The following ADGRB2 variants were observed in gnomAD, a reference collection of about 807,000 sequenced individuals.
ADGRB2 encodes the protein adhesion G protein-coupled receptor B2.
ADGRB2 carries 47 observed loss-of-function variants against 178.7 expected under a neutral mutation model. The ratio of observed to expected loss-of-function variants is 0.26; its 90% confidence interval spans 0.21 to 0.34. The LOEUF (loss-of-function observed/expected upper bound fraction) is 0.34. ADGRB2 is among the 10% of genes least tolerant of loss of function. The pLI, the probability that ADGRB2 is intolerant of heterozygous loss-of-function variation, is 1.00. For synonymous variants in ADGRB2, 870 were observed against 912.4 expected, an observed-to-expected ratio of 0.95 and a Z score of 0.84; for missense variants, 1,584 against 2,180.8, an observed-to-expected ratio of 0.73 and a Z score of 5.45.
rs1557793282 is a variant in ADGRB2, at chr1:31,756,653, C to T, written c.184G>A (p.Ala62Thr). The T allele has an allele frequency of 5.0e-6, 8 of 1,608,036 alleles. No homozygotes were observed. The highest frequency in any genetic ancestry group is 1.1e-5 in the South Asian group (1 of 89,918). ...TCCAGGGTCCAGGAGCAGCCCGAGG[C>T]GATGGTAGGAAAGAGGTCCTGCAGC... ...FSLQDLFPTIASGCSWTLENP... is the reference protein window; with the variant it reads ...FSLQDLFPTITSGCSWTLENP... The change falls in exon 4 of 33, where the codon GCC becomes ACC. Residue 62 changes from alanine to threonine, a missense_variant. Physicochemically the swap from Ala to Thr is moderately conservative, Grantham distance 58 (BLOSUM62 0). This residue lies in a region of ADGRB2 where 657 missense variants were observed against 847.6 expected (regional missense o/e 0.78). Transcript: ENST00000373658. This position sits in a 1 kb window ranked among gnomAD's most constrained non-coding sequence, Gnocchi z 8.5.
rs116545578 is a variant in ADGRB2 at position 31,760,440 on chromosome 1, T to C, written c.-190-2929A>G. On this transcript the variant is annotated intron_variant, in intron 1 of 32. Transcript: ENST00000373658. ...CCCCTCAGGGCTCCCCAGCTTCCCTTCTGCACCAATAAAGGAATTCAAAGC... is the reference window on the plus strand; with the variant it reads ...CCCCTCAGGGCTCCCCAGCTTCCCTCCTGCACCAATAAAGGAATTCAAAGC... Among the ~76,000 whole-genome samples the C allele has an allele frequency of 4.3e-3, 661 of 152,200 alleles. 6 individuals are homozygous for C. The highest frequency in any genetic ancestry group is 0.015 in the African/African-American group (628 of 41,522).
Position 31,737,536 on chromosome 1 carries a change from C to T in ADGRB2, c.2877-5G>A, listed in dbSNP as rs753324115. Reference sequence around the variant, plus strand: ...GAGCGTTCAGATTTTATGAACCTGCCGGGGCACAGCAGGCAGGGACAGAGG... The same window carrying T: ...GAGCGTTCAGATTTTATGAACCTGCTGGGGCACAGCAGGCAGGGACAGAGG... On this transcript the variant is annotated splice_region_variant and splice_polypyrimidine_tract_variant and intron_variant, in intron 19 of 32. Coordinates refer to ENST00000373658, the MANE Select transcript of ADGRB2 (RefSeq NM_001364857.2). The T allele has an allele frequency of 5.6e-6, 9 of 1,613,856 alleles. No individual in the cohort carries two copies. Among genetic ancestry groups the T allele is most frequent in the East Asian group, 2.2e-5 (1 of 44,878 alleles).
rs1646803457 is a variant in ADGRB2, at chr1:31,755,855, T to A, written c.838+144A>T. ...GAGGTCTCACTGCCATGCATTTTGGTGACCGCAACATTTGGACAAGGCTCA... is the reference window on the plus strand; with the variant it reads ...GAGGTCTCACTGCCATGCATTTTGGAGACCGCAACATTTGGACAAGGCTCA... On this transcript the variant is annotated intron_variant, in intron 4 of 32. Transcript: ENST00000373658. This position sits in a 1 kb window ranked among gnomAD's most constrained non-coding sequence, Gnocchi z 5.1. The A allele has an allele frequency of 1.7e-6, 2 of 1,159,226 alleles. No homozygotes were observed. Among genetic ancestry groups the A allele is most frequent in the African/African-American group, 3.1e-5 (2 of 64,464 alleles). The allele number at this position is 1,159,226 out of a possible 1,614,324, so 71.8% of individuals were successfully genotyped here.
In ADGRB2 at chr1:31,741,003, C is replaced by G. The variant is rs1011457418; in HGVS notation, c.1794+370G>C. Among the ~76,000 whole-genome samples, 8 of 152,012 alleles carry G rather than the reference C, an allele frequency of 5.3e-5. No homozygotes were observed. The highest frequency in any genetic ancestry group is 3.9e-4 in the Admixed American group (6 of 15,268). ...CAATTAATACCCAATTACAGTCAAACATGTACACACATTCACTGATGCTAC... is the reference window on the plus strand; with the variant it reads ...CAATTAATACCCAATTACAGTCAAAGATGTACACACATTCACTGATGCTAC... On this transcript the variant is annotated intron_variant, in intron 11 of 32. Transcript: ENST00000373658. This position sits in a 1 kb window ranked among gnomAD's most constrained non-coding sequence, Gnocchi z 6.5.
At chr1:31,738,381 C>A (rs1645744829) in intron 17 of ADGRB2, 55 bp from the exon 18 acceptor site, 10 of 1,607,460 alleles carry the variant, frequency 6.2e-6, no homozygotes, top group African/African-American at 1.3e-5. Context: ...GCCCTGCCCC[C>A]AGTCCTGGCC....
At position 31,733,068 on chromosome 1, in the gene ADGRB2, T is replaced by A; in HGVS notation, c.3528A>T (p.Thr1176=). 6.3e-7 allele frequency: 1 copy of A among 1,580,954 alleles called. No individual in the cohort carries two copies. Among genetic ancestry groups the A allele is most frequent in the Non-Finnish European group, 8.6e-7 (1 of 1,162,868 alleles). ...LTWMSAVLAM[T]DRRSVLFQAL... is the part of the protein sequence containing the mutation. ...CCTGGAAGAGGACGGAACGGCGGTC[T>A]GTCATAGCCAGGACGGCAGACATCC... Residue 1176 remains threonine, a synonymous_variant, in exon 26 of 33, where the codon ACA becomes ACT. Transcript: ENST00000373658. This position sits in a 1 kb window ranked among gnomAD's most constrained non-coding sequence, Gnocchi z 4.3.
rs1365890630 is a variant in ADGRB2, at chr1:31,728,916, T to C, written c.4381-283A>G. ...GCCCACATGGAATCAGAGCCAGTGC[T>C]CATTCTCTGTGCCCTAGAGCCCACC... On this transcript the variant is annotated intron_variant, in intron 29 of 32. Coordinates refer to ENST00000373658, the MANE Select transcript of ADGRB2 (RefSeq NM_001364857.2). This position sits in a 1 kb window ranked among gnomAD's most constrained non-coding sequence, Gnocchi z 6.7. Among the ~76,000 whole-genome samples, 2 of 151,690 alleles carry C rather than the reference T, an allele frequency of 1.3e-5. No homozygotes were observed. Among genetic ancestry groups the C allele is most frequent in the African/African-American group, 4.8e-5 (2 of 41,264 alleles).
chr1:31,743,032 G>C (rs917796607), intron 6 of ADGRB2, 30 bp from the exon 7 acceptor site: 8 of 1,379,416 alleles, frequency 5.8e-6, no homozygotes, highest in African/African-American at 1.5e-5. Flanking sequence ...CGGTGGCTGG[G>C]CGGCACCATG....
chr1:31,735,104 C>CG lies in ADGRB2; in HGVS notation c.3452+78_3452+79insC. On this transcript the variant is annotated intron_variant, in intron 25 of 32. Coordinates refer to ENST00000373658, the MANE Select transcript of ADGRB2 (RefSeq NM_001364857.2). This position sits in a 1 kb window ranked among gnomAD's most constrained non-coding sequence, Gnocchi z 6.0. ...GGGCACTGGGCTGATATCCCTCCTC[C>CG]TCCCCCCACCATGGGCACTGCCCCC... 4 of 1,221,002 alleles carry CG rather than the reference C, an allele frequency of 3.3e-6. No homozygotes were observed. The highest frequency in any genetic ancestry group is 4.4e-6 in the Non-Finnish European group (4 of 909,592). 75.6% of individuals were successfully genotyped at this position (1,221,002 alleles called of 1,614,324 possible).
Position 31,753,940 on chromosome 1 carries a change from A to G in ADGRB2, c.838+2059T>C, listed in dbSNP as rs1159726798. On this transcript the variant is annotated intron_variant, in intron 4 of 32. Coordinates refer to ENST00000373658, the MANE Select transcript of ADGRB2 (RefSeq NM_001364857.2). This position sits in a 1 kb window ranked among gnomAD's most constrained non-coding sequence, Gnocchi z 4.1. ...ATGACAGCTGATGCCACATCATCCCATGCCAACTCCCTACAGGGGCCCTCC... is the reference window on the plus strand; with the variant it reads ...ATGACAGCTGATGCCACATCATCCCGTGCCAACTCCCTACAGGGGCCCTCC... Among the ~76,000 whole-genome samples, 1 of 152,160 alleles carries G rather than the reference A, an allele frequency of 6.6e-6. No individual in the cohort carries two copies. The highest frequency in any genetic ancestry group is 1.9e-4 in the East Asian group (1 of 5,170).
At chr1:31,751,220 G>C (rs1045992302) in intron 4 of ADGRB2, among the ~76,000 whole-genome samples, 2 of 152,138 alleles carry the variant, frequency 1.3e-5, no homozygotes, top group Non-Finnish European at 2.9e-5. Flanking sequence ...CCTCTACCTC[G>C]AAAGCCCTTC....
At position 31,735,109 on chromosome 1, in the gene ADGRB2, C is replaced by A; in HGVS notation, c.3452+74G>T. Reference sequence around the variant, plus strand: ...CTGGGCTGATATCCCTCCTCCTCCCCCCACCATGGGCACTGCCCCCCCCAA... The same window carrying A: ...CTGGGCTGATATCCCTCCTCCTCCCACCACCATGGGCACTGCCCCCCCCAA... On this transcript the variant is annotated intron_variant, in intron 25 of 32. Coordinates refer to ENST00000373658, the MANE Select transcript of ADGRB2 (RefSeq NM_001364857.2). The surrounding 1 kb of genome is among the most constrained non-coding windows in gnomAD (Gnocchi z 6.0). The A allele has an allele frequency of 8.2e-7, 1 of 1,213,476 alleles. No homozygotes were observed. The allele number at this position is 1,213,476 out of a possible 1,614,324, so 75.2% of individuals were successfully genotyped here. A position where few individuals can be genotyped will look rare whatever the true frequency, so the allele number is the denominator to read the frequency against.
chr1:31,754,037 C>G lies in ADGRB2; in HGVS notation c.838+1962G>C, dbSNP rs939435816. 6.6e-6 allele frequency among the ~76,000 whole-genome samples: 1 copy of G among 152,214 alleles called. No homozygotes were observed. The highest frequency in any genetic ancestry group is 1.5e-5 in the Non-Finnish European group (1 of 68,022). On this transcript the variant is annotated intron_variant, in intron 4 of 32. Transcript: ENST00000373658. This position sits in a 1 kb window ranked among gnomAD's most constrained non-coding sequence, Gnocchi z 5.7. ...GAGCAGAGGTCAGGCTTGGGAACAG[C>G]TGGGAGCCCCAGCTCAGGGCTCCCT...
In ADGRB2 at chr1:31,728,369, C is replaced by A; in HGVS notation, c.4417-89G>T. 1 of 1,413,078 alleles carries A rather than the reference C, an allele frequency of 7.1e-7. No homozygotes were observed. Among genetic ancestry groups the A allele is most frequent in the Non-Finnish European group, 9.9e-7 (1 of 1,014,482 alleles). The allele number at this position is 1,413,078 out of a possible 1,614,324, so 87.5% of individuals were successfully genotyped here. On this transcript the variant is annotated intron_variant, in intron 30 of 32. Transcript: ENST00000373658. This position sits in a 1 kb window ranked among gnomAD's most constrained non-coding sequence, Gnocchi z 6.7. Reference sequence around the variant, plus strand: ...GGCACTCAGCACCCCAAGCCCCCCACATCCCTCCCTGCTGCCAGCCCCTCT... The same window carrying A: ...GGCACTCAGCACCCCAAGCCCCCCAAATCCCTCCCTGCTGCCAGCCCCTCT...
At position 31,741,165 on chromosome 1, in the gene ADGRB2, G is replaced by A. The variant is rs951556019; in HGVS notation, c.1794+208C>T. Among the ~76,000 whole-genome samples the A allele has an allele frequency of 1.1e-4, 16 of 152,164 alleles. No homozygotes were observed. The highest frequency in any genetic ancestry group is 3.9e-4 in the African/African-American group (16 of 41,420). On this transcript the variant is annotated intron_variant, in intron 11 of 32. Coordinates refer to ENST00000373658, the MANE Select transcript of ADGRB2 (RefSeq NM_001364857.2). This position sits in a 1 kb window ranked among gnomAD's most constrained non-coding sequence, Gnocchi z 6.5. ...GAGCTCATTCTGCAGGAGCGCAGAG[G>A]TAGGCACCAGGGATAAAAGAAGACA...
In ADGRB2 at chr1:31,744,231, C is replaced by T. The variant is rs151176994; in HGVS notation, c.1049G>A (p.Arg350Gln). The T allele has an allele frequency of 1.3e-4, 196 of 1,545,344 alleles. No homozygotes were observed. Among genetic ancestry groups the T allele is most frequent in the Non-Finnish European group, 1.6e-4 (186 of 1,143,504 alleles). Residue 350 changes from arginine (R) to glutamine (Q), a missense_variant, in exon 6 of 33, where the codon CGG (arginine) becomes CAG (glutamine). Around this residue, in one of 3 missense-constraint regions of ADGRB2, gnomAD observed 657 missense variants for 847.6 expected, o/e 0.78. Coordinates refer to ENST00000373658, the MANE Select transcript of ADGRB2 (RefSeq NM_001364857.2). This position sits in a 1 kb window ranked among gnomAD's most constrained non-coding sequence, Gnocchi z 6.7. ...TGAATTGTTGCAGGGCCTGGTCTCC[C>T]GCAGGGGCCCGCTGCACAGGGTCCC... Reference protein sequence around the residue: ...PYGTLCSGPLRETRPCNNSAT... With the variant: ...PYGTLCSGPLQETRPCNNSAT...
At chr1:31,760,632 T>A (rs1647013816) in intron 1 of ADGRB2, 1 of 151,986 alleles carries the variant, frequency 6.6e-6, no homozygotes, top group African/African-American at 2.4e-5. Context: ...GACGCGCACA[T>A]CCGTCGCGTT....
rs775184801 is a variant in ADGRB2, at chr1:31,759,276, T to C, written c.-190-1765A>G. 1.3e-6 allele frequency: 1 copy of C among 779,538 alleles called. No homozygotes were observed. The highest frequency in any genetic ancestry group is 1.3e-5 in the South Asian group (1 of 74,606). 48.3% of individuals were successfully genotyped at this position (779,538 alleles called of 1,614,324 possible). On this transcript the variant is annotated intron_variant, in intron 1 of 32. Coordinates refer to ENST00000373658, the MANE Select transcript of ADGRB2 (RefSeq NM_001364857.2). The surrounding 1 kb of genome is among the most constrained non-coding windows in gnomAD (Gnocchi z 4.3). Reference sequence around the variant, plus strand: ...ACAGGGGTGTAGAGGCTTACACTTGTACACATGCACAGAGGTGCACACGCA... The same window carrying C: ...ACAGGGGTGTAGAGGCTTACACTTGCACACATGCACAGAGGTGCACACGCA...
Position 31,756,725 on chromosome 1 carries a change from TG to T in ADGRB2, c.111del (p.Ser38ValfsTer141). 2 of 1,590,406 alleles carry T rather than the reference TG, an allele frequency of 1.3e-6. No homozygotes were observed. Among genetic ancestry groups the T allele is most frequent in the Non-Finnish European group, 1.7e-6 (2 of 1,169,198 alleles). ...CCCGAGGCCAGGGCAGAGCAGGCAC[TG>T]GGGGCGGGGTCGAAGGCGGTGGCCA... The part of the protein sequence containing the change: ...LRLATAFDPA[P>X]SACSALASGV... On this transcript the variant is annotated frameshift_variant, in exon 4 of 33. Transcript: ENST00000373658. LOFTEE classifies it high-confidence loss of function. The surrounding 1 kb of genome is among the most constrained non-coding windows in gnomAD (Gnocchi z 8.5).
Sources: allele counts gnomAD v4.1 joint callset (sites outside exome capture counted in the v4.1 genomes callset), GRCh38; gene constraint gnomAD v4.1.1; regional missense constraint gnomAD v4.1.1; non-coding constraint Gnocchi (gnomAD v3.1); transcripts MANE v1.5; gene names NCBI Gene and HGNC (gene_info 2026-07-23, HGNC 2026-07-21).